The following DLGAP2 variants were observed in gnomAD, a reference collection of about 807,000 sequenced individuals.
DLGAP2 encodes the protein disks large-associated protein 2.
DLGAP2 carries 26 observed loss-of-function variants against 100.3 expected under a neutral mutation model. That is an observed-to-expected ratio of 0.26 (90% CI 0.19 to 0.36). The LOEUF (loss-of-function observed/expected upper bound fraction) is 0.36. DLGAP2 is among the 10% of genes least tolerant of loss of function. The probability of loss-of-function intolerance (pLI) is 1.00; values close to 1 mark genes in which losing one functional copy is unlikely to be tolerated. For missense variants in DLGAP2, 1,858 were observed against 1,453.2 expected (o/e 1.28, Z -4.53); for synonymous variants, 886 against 630.1 (o/e 1.41, Z -6.08).
chr8:941,713 G>C (rs958597393), intron 2 of DLGAP2, among the ~76,000 whole-genome samples: 1 of 152,114 alleles, frequency 6.6e-6, no homozygotes, highest in Non-Finnish European at 1.5e-5. Context: ...TTCTTTGTGC[G>C]GCTTTCTTTG....
chr8:1,539,685 C>T (rs372671552), intron 4 of DLGAP2, among the ~76,000 whole-genome samples: 1 of 151,532 alleles, frequency 6.6e-6, no homozygotes. Flanking sequence ...CCAGACTCCA[C>T]TTTCCTGTTT....
chr8:1,280,445 A>C (rs796284500), intron 3 of DLGAP2, among the ~76,000 whole-genome samples: 3 of 152,240 alleles, frequency 2.0e-5, no homozygotes, highest in Admixed American at 1.3e-4. Context: ...TATCAGAAAA[A>C]TACATGCCAC....
rs115305540 is a variant in DLGAP2, at chr8:1,389,188, C to T, written c.107-112178C>T. On this transcript the variant is annotated intron_variant, in intron 3 of 14. Transcript: ENST00000637795. ...CAGGGCCTCTTCATGACGGGAGGCA[C>T]GTGGACCTCTTTATGGGAAATGCCA... Among the ~76,000 whole-genome samples the T allele has an allele frequency of 8.7e-3, 1,322 of 152,176 alleles. 23 individuals carry two copies. Among genetic ancestry groups the T allele is most frequent in the African/African-American group, 0.03 (1,244 of 41,488 alleles).
At chr8:1,620,063 C>T (rs1200922511) in intron 6 of DLGAP2, among the ~76,000 whole-genome samples, 1 of 152,196 alleles carries the variant, frequency 6.6e-6, no homozygotes, top group Admixed American at 6.5e-5. Flanking sequence ...TCCAAGAAAA[C>T]TCACAGCCTT....
intron 2 of DLGAP2, among the ~76,000 whole-genome samples, chr8:1,156,321 G>A (rs1374281432): frequency 6.6e-6 from 1 of 152,204 alleles, no homozygotes; most frequent in African/African-American, 2.4e-5. Context: ...AGGAGAGGAT[G>A]GGAGCTGCAG....
chr8:976,032 T>C (rs1273973933), intron 2 of DLGAP2, among the ~76,000 whole-genome samples: 1 of 152,218 alleles, frequency 6.6e-6, no homozygotes, highest in Non-Finnish European at 1.5e-5. Flanking sequence ...AGAAGTCAGT[T>C]ATTTTCCTAT....
At chr8:964,766 G>C (rs562382483) in intron 2 of DLGAP2, among the ~76,000 whole-genome samples, 8 of 152,160 alleles carry the variant, frequency 5.3e-5, no homozygotes, top group Non-Finnish European at 1.2e-4. Context: ...ACCCTCCCCC[G>C]AGGGCCACAC....
chr8:1,205,868 G>C (rs1453814751), intron 2 of DLGAP2, among the ~76,000 whole-genome samples: 1 of 152,084 alleles, frequency 6.6e-6, no homozygotes, highest in Non-Finnish European at 1.5e-5. Context: ...AAAAATAAAG[G>C]GCAGCCAAGT....
chr8:1,519,268 G>A (rs542861342), intron 4 of DLGAP2, among the ~76,000 whole-genome samples: 7 of 151,844 alleles, frequency 4.6e-5, no homozygotes, highest in Non-Finnish European at 1.0e-4. Flanking sequence ...CCCATCCTAC[G>A]CCTGAAAACC....
intron 1 of DLGAP2, among the ~76,000 whole-genome samples, chr8:764,104 A>T (rs1308699480): frequency 6.6e-6 from 1 of 152,196 alleles, no homozygotes; most frequent in Non-Finnish European, 1.5e-5. Flanking sequence ...CTGGCGAGGT[A>T]CTGAGTCATG....
chr8:883,715 C>A (rs186315381), intron 1 of DLGAP2, among the ~76,000 whole-genome samples: 6 of 150,548 alleles, frequency 4.0e-5, no homozygotes, highest in Admixed American at 2.6e-4. Flanking sequence ...GTGCCGCGGC[C>A]GTTCGTTACG....
At chr8:769,745 C>T (rs1821307770) in intron 1 of DLGAP2, among the ~76,000 whole-genome samples, 1 of 152,304 alleles carries the variant, frequency 6.6e-6, no homozygotes, top group African/African-American at 2.4e-5. Context: ...GGGACACGAG[C>T]CTCTTGCGTT....
Position 812,132 on chromosome 8 carries a change from G to A in DLGAP2, c.18+74307G>A, listed in dbSNP as rs562780766. ...GGAAGGAGAGAGAGATTTAATGCGA[G>A]GAAGTGGCTTGCACAATTGCAGGGG... On this transcript the variant is annotated intron_variant, in intron 1 of 14. Transcript: ENST00000637795. Among the ~76,000 whole-genome samples, 689 of 152,324 alleles carry A rather than the reference G, an allele frequency of 4.5e-3. 1 individual carries two copies. The highest frequency in any genetic ancestry group is 7.4e-3 in the Non-Finnish European group (501 of 68,034).
At chr8:1,089,788 C>T (rs1804110709) in intron 2 of DLGAP2, among the ~76,000 whole-genome samples, 1 of 152,188 alleles carries the variant, frequency 6.6e-6, no homozygotes, top group Non-Finnish European at 1.5e-5. Flanking sequence ...ACAACATATC[C>T]ATCCATTCTT....
chr8:1,526,808 T>G (rs11775451), intron 4 of DLGAP2, among the ~76,000 whole-genome samples: 56,628 of 152,032 alleles, frequency 0.37, 11,181 homozygotes, highest in South Asian at 0.54. Context: ...TCCCAGAGAC[T>G]CCCCTACGTG....
intron 6 of DLGAP2, among the ~76,000 whole-genome samples, chr8:1,572,528 G>GT (rs1386098049): frequency 6.0e-5 from 8 of 133,402 alleles, no homozygotes; most frequent in Middle Eastern, 4.4e-3. Flanking sequence ...AGGAGAGAGG[G>GT]TGAACTGTGG....
chr8:1,086,434 C>A (rs1039021355), intron 2 of DLGAP2, among the ~76,000 whole-genome samples: 2 of 152,064 alleles, frequency 1.3e-5, no homozygotes, highest in African/African-American at 4.8e-5. Flanking sequence ...GAGGTACATT[C>A]ATTCTATATC....
chr8:1,091,462 G>A (rs184166082), intron 2 of DLGAP2, among the ~76,000 whole-genome samples: 2 of 152,320 alleles, frequency 1.3e-5, no homozygotes, highest in East Asian at 3.9e-4. Context: ...AAGTTACAAA[G>A]AGAAATGGAA....
At chr8:885,014 A>G (rs2128994383) in intron 1 of DLGAP2, among the ~76,000 whole-genome samples, 1 of 152,330 alleles carries the variant, frequency 6.6e-6, no homozygotes, top group East Asian at 1.9e-4. Flanking sequence ...TGTCAGTATC[A>G]TGCTGTTTTG....
Sources: gnomAD v4.1 joint callset for allele counts (sites outside exome capture counted in the v4.1 genomes callset) on GRCh38, gnomAD v4.1.1 for gene constraint, MANE v1.5 for transcripts, NCBI Gene and HGNC (gene_info 2026-07-23, HGNC 2026-07-21) for gene names.